The following SACS variants were observed in gnomAD, a reference collection of about 807,000 sequenced individuals.
SACS encodes sacsin molecular chaperone, also known as sacsin.
In SACS, 197 loss-of-function variants were observed where a neutral mutation model predicts 348.0. That is an observed-to-expected ratio of 0.57 (90% CI 0.50 to 0.64). SACS has a LOEUF of 0.64. Among genes scored for constraint, SACS ranks in the 30% least tolerant of loss-of-function variants. SACS has a pLI of 0.00. For synonymous variants in SACS, 1,985 were observed against 1,910.6 expected, an observed-to-expected ratio of 1.04 and a Z score of -1.02; for missense variants, 4,999 against 5,360.8, an observed-to-expected ratio of 0.93 and a Z score of 2.11.
chr13:23,330,184 A>G lies in SACS; in HGVS notation c.13692T>C (p.Thr4564=), dbSNP rs770600182. ...TTTCAAGTTTTATTATGATACAGGC[A>G]GTACATTCCATCACCCTCATAGCAA... The part of the protein sequence containing the change: ...SEVAMRVMEC[T]ACIIIKLENF... Residue 4564 remains threonine (T), a synonymous_variant, in exon 10 of 10, where the codon ACT becomes ACC. Transcript: ENST00000382292. 3.7e-6 allele frequency: 6 copies of G among 1,613,966 alleles called. No homozygotes were observed. Among genetic ancestry groups the G allele is most frequent in the Non-Finnish European group, 5.1e-6 (6 of 1,179,952 alleles).
chr13:23,329,483 G>A lies in SACS; in HGVS notation c.*653C>T, dbSNP rs202152492. ...CGTTGCTATCTTCATCAAACAGGAA[G>A]CCTGTAAACATAAGATGTTAAAAAA... is the stretch of plus-strand genomic sequence containing the variant. On this transcript the variant is annotated 3_prime_UTR_variant, in exon 10 of 10. Transcript: ENST00000382292. The A allele has an allele frequency of 7.6e-5, 58 of 763,640 alleles. No homozygotes were observed. The highest frequency in any genetic ancestry group is 1.3e-4 in the Non-Finnish European group (54 of 412,838). 47.3% of individuals were successfully genotyped at this position (763,640 alleles called of 1,614,324 possible). A position where few individuals can be genotyped will look rare whatever the true frequency, so the allele number is the denominator to read the frequency against.
chr13:23,333,932 G>C lies in SACS; in HGVS notation c.9944C>G (p.Ala3315Gly). The C allele has an allele frequency of 6.2e-7, 1 of 1,613,794 alleles. No individual in the cohort carries two copies. The highest frequency in any genetic ancestry group is 1.1e-5 in the South Asian group (1 of 91,074). Reference protein sequence around the residue: ...SLMHIAVFPNAQSDKVFHALM... With the variant: ...SLMHIAVFPNGQSDKVFHALM... ...AGCATGAAAAACTTTATCACTCTGG[G>C]CATTTGGAAAAACTGCAATGTGCAT... The change falls in exon 10 of 10, where the codon GCC (alanine) becomes GGC (glycine). Residue 3315 changes from alanine to glycine, a missense_variant. This residue lies in a region of SACS where 734 missense variants were observed against 694.0 expected (regional missense o/e 1.06). Coordinates refer to ENST00000382292, the MANE Select transcript of SACS (RefSeq NM_014363.6).
At position 23,415,814 on chromosome 13, in the gene SACS, A is replaced by C. The variant is rs141298194; in HGVS notation, c.-501-4074T>G. ...TAAAGATAAATAAAATGAATACAAAATGACTCATTAAATGCTGATCGAAGT... is the reference window on the plus strand; with the variant it reads ...TAAAGATAAATAAAATGAATACAAACTGACTCATTAAATGCTGATCGAAGT... On this transcript the variant is annotated intron_variant, in intron 1 of 9. Transcript: ENST00000382292. Among the ~76,000 whole-genome samples the C allele has an allele frequency of 9.2e-5, 14 of 152,354 alleles. No individual in the cohort carries two copies. The East Asian group carries it at 2.7e-3, about 29-fold the overall frequency.
At chr13:23,375,468 G>T in intron 2 of SACS, 199 bp from the exon 3 acceptor site, 1 of 1,167,788 alleles carries the variant, frequency 8.6e-7, no homozygotes, top group Non-Finnish European at 1.1e-6. Context: ...GGCGGGATCC[G>T]CATGGCGCAG....
chr13:23,340,701 C>G lies in SACS; in HGVS notation c.3175G>C (p.Glu1059Gln). ...TTACAAAAGAGATCCTTTAGTACTT[C>G]TATATCAGGGTCAAAGAGTTCACCA... ...SAGELFDPDI[E>Q]VLKDLFCNEE... The change falls in exon 10 of 10, where the codon GAA becomes CAA. Residue 1059 changes from glutamate to glutamine, a missense_variant. Around this residue, in one of 6 missense-constraint regions of SACS, gnomAD observed 3,156 missense variants for 3,380.1 expected, o/e 0.93. Coordinates refer to ENST00000382292, the MANE Select transcript of SACS (RefSeq NM_014363.6). The G allele has an allele frequency of 6.3e-7, 1 of 1,590,870 alleles. No homozygotes were observed. The highest frequency in any genetic ancestry group is 8.5e-7 in the Non-Finnish European group (1 of 1,171,984).
chr13:23,407,743 A>G (rs1403615465), intron 2 of SACS, among the ~76,000 whole-genome samples: 3 of 152,066 alleles, frequency 2.0e-5, no homozygotes, highest in African/African-American at 7.2e-5. Flanking sequence ...TCTTTTTGAC[A>G]CGGCATTGTC....
At chr13:23,411,049 G>A (rs1873460468) in intron 2 of SACS, among the ~76,000 whole-genome samples, 171 bp downstream of exon 2, 1 of 152,090 alleles carries the variant, frequency 6.6e-6, no homozygotes, top group Non-Finnish European at 1.5e-5. Flanking sequence ...TTAACCCTTG[G>A]CTTGAAAAAT....
chr13:23,353,922 C>A lies in SACS; in HGVS notation c.2094-46G>T, dbSNP rs774702442. On this transcript the variant is annotated intron_variant, in intron 8 of 9. Coordinates refer to ENST00000382292, the MANE Select transcript of SACS (RefSeq NM_014363.6). The stretch of plus-strand genomic sequence containing the variant: ...CAATCATCATAATCTTCCCACAATT[C>A]CAAGATTTTAAAAAAACAATCACAT... The A allele has an allele frequency of 3.2e-5, 35 of 1,098,284 alleles. No individual in the cohort carries two copies. In the Admixed American group the frequency reaches 6.0e-4, roughly 19 times the overall value. 68.0% of individuals were successfully genotyped at this position (1,098,284 alleles called of 1,614,324 possible).
At position 23,339,348 on chromosome 13, in the gene SACS, G is replaced by A. The variant is rs934763842; in HGVS notation, c.4528C>T (p.Leu1510=). ...RRNMDIRENL[L]DPGMAACHGP... ...TGACAAGCTGCCATCCCTGGGTCTA[G>A]GAGATTCTCTCTTATGTCCATATTT... Residue 1510 remains leucine, a synonymous_variant, in exon 10 of 10, where the codon CTA becomes TTA. Coordinates refer to ENST00000382292, the MANE Select transcript of SACS (RefSeq NM_014363.6). 2 of 1,613,306 alleles carry A rather than the reference G, an allele frequency of 1.2e-6. No individual in the cohort carries two copies. Among genetic ancestry groups the A allele is most frequent in the African/African-American group, 1.3e-5 (1 of 74,904 alleles).
rs879508762 is a variant in SACS at position 23,369,861 on chromosome 13, C to CT, written c.259+1216dup. ...TGCCCAGCCTATCCCACTCACACTT[C>CT]TTTTTTTTTTTTTTTGAGACGGAGT... On this transcript the variant is annotated intron_variant, in intron 4 of 9. Transcript: ENST00000382292. Among the ~76,000 whole-genome samples the CT allele has an allele frequency of 2.9e-3, 389 of 136,188 alleles. 2 individuals carry two copies. The highest frequency in any genetic ancestry group is 5.9e-3 in the African/African-American group (218 of 37,250). 89.3% of individuals were successfully genotyped at this position (136,188 alleles called of 152,430 possible). A position where few individuals can be genotyped will look rare whatever the true frequency, so the allele number is the denominator to read the frequency against.
chr13:23,421,811 T>C (rs1190582020), intron 1 of SACS, among the ~76,000 whole-genome samples: 3 of 152,136 alleles, frequency 2.0e-5, no homozygotes, highest in Non-Finnish European at 2.9e-5. Context: ...GGCATCCACC[T>C]GGGGCCTGTA....
At chr13:23,357,181 C>A (rs1035546397) in intron 7 of SACS, among the ~76,000 whole-genome samples, 2 of 152,300 alleles carry the variant, frequency 1.3e-5, no homozygotes, top group Admixed American at 1.3e-4. Context: ...TGGGCTCTCA[C>A]GCCACAGTTC....
Position 23,331,968 on chromosome 13 carries a change from T to C in SACS, c.11908A>G (p.Arg3970Gly), listed in dbSNP as rs1566057219. Reference sequence around the variant, plus strand: ...AGTATACTGCTCAATAATCGAGGTCTAAGTTTTTGAGGAAAGAGCATTATC... The same window carrying C: ...AGTATACTGCTCAATAATCGAGGTCCAAGTTTTTGAGGAAAGAGCATTATC... ...KLIMLFPQKLRPRLLSSILEE... is the reference protein window; with the variant it reads ...KLIMLFPQKLGPRLLSSILEE... Residue 3970 changes from arginine (R) to glycine (G), a missense_variant, in exon 10 of 10, where the codon AGA becomes GGA. By Grantham distance (125) the Arg-to-Gly change is moderately radical. Around this residue, in one of 6 missense-constraint regions of SACS, gnomAD observed 831 missense variants for 941.8 expected, o/e 0.88. Transcript: ENST00000382292. 1.9e-6 allele frequency: 3 copies of C among 1,614,104 alleles called. No individual in the cohort carries two copies. The highest frequency in any genetic ancestry group is 1.7e-6 in the Non-Finnish European group (2 of 1,179,976).
chr13:23,388,776 G>T (rs1271808779), intron 2 of SACS, among the ~76,000 whole-genome samples: 1 of 151,656 alleles, frequency 6.6e-6, no homozygotes, highest in African/African-American at 2.4e-5. Flanking sequence ...TACATATTGG[G>T]TATAACGTGC....
At chr13:23,375,362 T>A in intron 2 of SACS, 93 bp from the exon 3 acceptor site, 2 of 1,265,404 alleles carry the variant, frequency 1.6e-6, no homozygotes, top group Non-Finnish European at 2.0e-6. Context: ...CTCTCCCACA[T>A]CGCGGCGCGG....
intron 9 of SACS, among the ~76,000 whole-genome samples, chr13:23,350,764 CATA>C (rs1869898888): frequency 6.6e-6 from 1 of 152,140 alleles, no homozygotes; most frequent in Admixed American, 6.5e-5. Context: ...GCTCCATAAA[CATA>C]ATACTCCGCC....
intron 2 of SACS, among the ~76,000 whole-genome samples, chr13:23,385,572 G>A (rs1872256279): frequency 6.6e-6 from 1 of 151,978 alleles, no homozygotes; most frequent in African/African-American, 2.4e-5. Context: ...TGGTTAGGCT[G>A]GTCTCGAATT....
intron 2 of SACS, among the ~76,000 whole-genome samples, chr13:23,382,678 AC>A (rs1872108181): frequency 6.6e-6 from 1 of 152,168 alleles, no homozygotes; most frequent in African/African-American, 2.4e-5. Flanking sequence ...AATCTTTATA[AC>A]TATAATGGCT....
At chr13:23,429,426 G>A (rs1212037035) in intron 1 of SACS, among the ~76,000 whole-genome samples, 3 of 142,876 alleles carry the variant, frequency 2.1e-5, no homozygotes, top group Non-Finnish European at 3.0e-5. Context: ...GCAGTGGTGC[G>A]ATATCGGCTC....
Sources: allele counts gnomAD v4.1 joint callset (sites outside exome capture counted in the v4.1 genomes callset), GRCh38; gene constraint gnomAD v4.1.1; regional missense constraint gnomAD v4.1.1; transcripts MANE v1.5; gene names NCBI Gene and HGNC (gene_info 2026-07-23, HGNC 2026-07-21).